PJA1: variants seen among roughly 807,000 people sequenced by gnomAD.
The protein encoded by PJA1 is praja ring finger ubiquitin ligase 1, also known as E3 ubiquitin-protein ligase Praja-1.
Under a neutral mutation model 14.1 loss-of-function variants are expected in PJA1, and 5 were observed. The ratio of observed to expected loss-of-function variants is 0.35; its 90% CI spans 0.18 to 0.74. PJA1 has a LOEUF of 0.74. Ranked by LOEUF, PJA1 falls within the 30% of genes least tolerant of loss-of-function variation. The pLI, the probability that PJA1 is intolerant of heterozygous loss-of-function variation, is 0.56. For synonymous variants in PJA1, 174 were observed against 190.9 expected (o/e 0.91, Z 0.73); for missense variants, 394 against 482.6 (o/e 0.82, Z 1.72).
At position 69,162,818 on chromosome X, in the gene PJA1, C is replaced by T. The variant is rs1482973882; in HGVS notation, c.256G>A (p.Gly86Arg). 3 of 1,211,435 alleles carry T rather than the reference C, an allele frequency of 2.5e-6. No individual in the cohort carries two copies. The South Asian group carries it at 5.3e-5, about 21-fold the overall frequency. The change falls in exon 2 of 2, where the codon GGG becomes AGG. Residue 86 changes from glycine (G) to arginine (R), a missense_variant. This residue lies in a region of PJA1 where 378 missense variants were observed against 439.3 expected (regional missense o/e 0.86). Coordinates refer to ENST00000374571, the MANE Select transcript of PJA1 (RefSeq NM_001032396.4). The stretch of plus-strand genomic sequence containing the variant: ...TCATCTTTAAACTTGCCAGTTTTCC[C>T]TCTCACTGGCGGTCGCTCAACAGGC... ...AGPVERPPVR[G>R]KTGKFKDDKL...
chrX:69,161,203 G>T lies in PJA1; in HGVS notation c.*104C>A. 1 of 1,045,239 alleles carries T rather than the reference G, an allele frequency of 9.6e-7. No homozygotes were observed. The highest frequency in any genetic ancestry group is 2.6e-5 in the South Asian group (1 of 37,769). 86.1% of individuals were successfully genotyped at this position (1,045,239 alleles called of 1,213,427 possible). A position where few individuals can be genotyped will look rare whatever the true frequency, so the allele number is the denominator to read the frequency against. On this transcript the variant is annotated 3_prime_UTR_variant, in exon 2 of 2. Coordinates refer to ENST00000374571, the MANE Select transcript of PJA1 (RefSeq NM_001032396.4). ...AGGAATCAATAGGTTTAGGCTAACTGACTGATTGGTTTTATTTCCATTGTT... is the reference window on the plus strand; with the variant it reads ...AGGAATCAATAGGTTTAGGCTAACTTACTGATTGGTTTTATTTCCATTGTT...
intron 1 of PJA1, 26 bp downstream of exon 1, chrX:69,165,346 G>C (rs987036580): frequency 1.9e-4 from 21 of 112,844 alleles, no homozygotes; most frequent in African/African-American, 6.8e-4. Flanking sequence ...CGGATGAATC[G>C]AGGAAACAAT....
chrX:69,164,253 G>C lies in PJA1; in HGVS notation c.-67-1113C>G, dbSNP rs374741827. Among the ~76,000 whole-genome samples the C allele has an allele frequency of 2.1e-4, 23 of 109,067 alleles. 1 individual carries two copies. In the East Asian group the frequency reaches 5.4e-3, roughly 26 times the overall value. 94.7% of individuals were successfully genotyped at this position (109,067 alleles called of 115,157 possible). On this transcript the variant is annotated intron_variant, in intron 1 of 1. Transcript: ENST00000374571. ...GATATGGCAAGCAGGGAGGCAGGTTGTGTCCCCGTAGAAGGATTTATGTGA... is the reference window on the plus strand; with the variant it reads ...GATATGGCAAGCAGGGAGGCAGGTTCTGTCCCCGTAGAAGGATTTATGTGA...
rs1925252317 is a variant in PJA1, at chrX:69,165,392, C to A, written c.-88G>T. ...CTCACCAAGTCCAGAAAGCCACACG[C>A]TTTTCAGAGAAGCAGAGCTCTCGGA... is the stretch of plus-strand genomic sequence containing the variant. On this transcript the variant is annotated 5_prime_UTR_variant, in exon 1 of 2. Coordinates refer to ENST00000374571, the MANE Select transcript of PJA1 (RefSeq NM_001032396.4). 8.9e-6 allele frequency: 1 copy of A among 112,919 alleles called. No homozygotes were observed. Among genetic ancestry groups the A allele is most frequent in the Non-Finnish European group, 1.9e-5 (1 of 53,353 alleles). 9.3% of individuals were successfully genotyped at this position (112,919 alleles called of 1,213,427 possible). A position where few individuals can be genotyped will look rare whatever the true frequency, so the allele number is the denominator to read the frequency against.
rs147196192 is a variant in PJA1, at chrX:69,163,090, G to A, written c.-17C>T. On this transcript the variant is annotated 5_prime_UTR_variant, in exon 2 of 2. It adds an upstream start codon to the 5' untranslated region. Transcript: ENST00000374571. ...TCTGTGCATTGGGACTTCGGAGTTCGTCTTTCTCTGGCTGGCAATCCTTTC... is the reference window on the plus strand; with the variant it reads ...TCTGTGCATTGGGACTTCGGAGTTCATCTTTCTCTGGCTGGCAATCCTTTC... 1.2e-5 allele frequency: 14 copies of A among 1,211,396 alleles called. No homozygotes were observed. Among genetic ancestry groups the A allele is most frequent in the South Asian group, 8.8e-5 (5 of 56,884 alleles).
Position 69,161,052 on chromosome X carries a change from C to A in PJA1, c.*255G>T, listed in dbSNP as rs538229700. 8.9e-6 allele frequency: 3 copies of A among 338,302 alleles called. No homozygotes were observed. The highest frequency in any genetic ancestry group is 8.4e-4 in the Middle Eastern group (1 of 1,194). The allele number at this position is 338,302 out of a possible 1,213,427, so 27.9% of individuals were successfully genotyped here. On this transcript the variant is annotated 3_prime_UTR_variant, in exon 2 of 2. Coordinates refer to ENST00000374571, the MANE Select transcript of PJA1 (RefSeq NM_001032396.4). ...GCGATTTAACTTTCAGGTTAGAAAA[C>A]GTATCTTCTTACTGCAATCTCAAGT...
chrX:69,164,146 G>A, intron 1 of PJA1, among the ~76,000 whole-genome samples: 1 of 109,941 alleles, frequency 9.1e-6, no homozygotes, highest in Non-Finnish European at 1.9e-5. Context: ...GCGGGGGTGG[G>A]GGGTGCGCAG....
intron 1 of PJA1, 107 bp from the exon 2 acceptor site, chrX:69,163,247 C>T: frequency 8.4e-7 from 1 of 1,194,850 alleles, no homozygotes; most frequent in Non-Finnish European, 1.1e-6. Flanking sequence ...ATCACTCTGA[C>T]TTAGGAGGGT....
Position 69,164,756 on chromosome X carries a change from AG to A in PJA1, c.-68+615del, listed in dbSNP as rs1426871271. On this transcript the variant is annotated intron_variant, in intron 1 of 1. Coordinates refer to ENST00000374571, the MANE Select transcript of PJA1 (RefSeq NM_001032396.4). Reference sequence around the variant, plus strand: ...TCGCGACACACGGGGGGTGGGGGGTAGGGGGGACGCAATGTCATAAAAAGAG... The same window carrying A: ...TCGCGACACACGGGGGGTGGGGGGTAGGGGGACGCAATGTCATAAAAAGAG... Among the ~76,000 whole-genome samples, 12 of 5,708 alleles carry A rather than the reference AG, an allele frequency of 2.1e-3. 1 individual carries two copies. The highest frequency in any genetic ancestry group is 7.4e-3 in the African/African-American group (11 of 1,487). 5.0% of individuals were successfully genotyped at this position (5,708 alleles called of 115,157 possible). A position where few individuals can be genotyped will look rare whatever the true frequency, so the allele number is the denominator to read the frequency against.
In PJA1 at chrX:69,163,058, G is replaced by A. The variant is rs1176992078; in HGVS notation, c.16C>T (p.Pro6Ser). 1 of 1,209,052 alleles carries A rather than the reference G, an allele frequency of 8.3e-7. No homozygotes were observed. The highest frequency in any genetic ancestry group is 1.1e-6 in the Non-Finnish European group (1 of 895,095). MHRSA[P>S]SQTTKRSRSP... ...CGGCTCCTCTTGGTGGTTTGACTGGGGGCTGATCTGTGCATTGGGACTTCG... is the reference window on the plus strand; with the variant it reads ...CGGCTCCTCTTGGTGGTTTGACTGGAGGCTGATCTGTGCATTGGGACTTCG... The change falls in exon 2 of 2, where the codon CCC (proline) becomes TCC (serine). Residue 6 changes from proline (P) to serine (S), a missense_variant. Pro to Ser is a moderately conservative substitution (Grantham distance 74). Coordinates refer to ENST00000374571, the MANE Select transcript of PJA1 (RefSeq NM_001032396.4).
Position 69,162,940 on chromosome X carries a change from G to A in PJA1, c.134C>T (p.Pro45Leu), listed in dbSNP as rs370780304. 1.6e-5 allele frequency: 19 copies of A among 1,208,932 alleles called. No individual in the cohort carries two copies. In the Admixed American group the frequency reaches 2.8e-4, roughly 18 times the overall value. The stretch of plus-strand genomic sequence containing the variant: ...ACCCGAAGCTCTGTACTCTCTTGGC[G>A]GATACCTGGAATAGTCCTCATTATC... ...NIDNEDYSRY[P>L]PREYRASGSR... The change falls in exon 2 of 2, where the codon CCG becomes CTG. Residue 45 changes from proline (P) to leucine (L), a missense_variant. Coordinates refer to ENST00000374571, the MANE Select transcript of PJA1 (RefSeq NM_001032396.4).
At position 69,162,817 on chromosome X, in the gene PJA1, C is replaced by T. The variant is rs1254329856; in HGVS notation, c.257G>A (p.Gly86Glu). ...ATCATCTTTAAACTTGCCAGTTTTC[C>T]CTCTCACTGGCGGTCGCTCAACAGG... is the stretch of plus-strand genomic sequence containing the variant. ...AGPVERPPVR[G>E]KTGKFKDDKL... The change falls in exon 2 of 2, where the codon GGG becomes GAG. Residue 86 changes from glycine (G) to glutamate (E), a missense_variant. Physicochemically the swap from Gly to Glu is moderately conservative, Grantham distance 98. Coordinates refer to ENST00000374571, the MANE Select transcript of PJA1 (RefSeq NM_001032396.4). 3 of 1,211,419 alleles carry T rather than the reference C, an allele frequency of 2.5e-6. No individual in the cohort carries two copies. Among genetic ancestry groups the T allele is most frequent in the Non-Finnish European group, 3.4e-6 (3 of 895,483 alleles).
chrX:69,161,693 C>G lies in PJA1; in HGVS notation c.1381G>C (p.Gly461Arg), dbSNP rs201947208. 2.0e-5 allele frequency: 24 copies of G among 1,209,631 alleles called. 1 individual carries two copies. In the African/African-American group the frequency reaches 3.3e-4, roughly 17 times the overall value. ...DLEVDWSLFD[G>R]FADGLGVAEA... ...GCCACTCCTAACCCATCTGCAAATC[C>G]ATCAAAGAGGCTCCAATCCACTTCT... The change falls in exon 2 of 2, where the codon GGA (glycine) becomes CGA (arginine). Residue 461 changes from glycine (G) to arginine (R), a missense_variant. By Grantham distance (125) the Gly-to-Arg change is moderately radical. This residue lies in a region of PJA1 where 378 missense variants were observed against 439.3 expected (regional missense o/e 0.86). Transcript: ENST00000374571.
rs1349150631 is a variant in PJA1, at chrX:69,163,102, C to A, written c.-29G>T. On this transcript the variant is annotated 5_prime_UTR_variant, in exon 2 of 2. Transcript: ENST00000374571. Reference sequence around the variant, plus strand: ...GACTTCGGAGTTCGTCTTTCTCTGGCTGGCAATCCTTTCCCGCTGGCTCGT... The same window carrying A: ...GACTTCGGAGTTCGTCTTTCTCTGGATGGCAATCCTTTCCCGCTGGCTCGT... 8.3e-7 allele frequency: 1 copy of A among 1,211,543 alleles called. No individual in the cohort carries two copies. Among genetic ancestry groups the A allele is most frequent in the Admixed American group, 2.2e-5 (1 of 46,008 alleles).
intron 1 of PJA1, among the ~76,000 whole-genome samples, chrX:69,163,848 C>A (rs1022854130): frequency 6.3e-5 from 7 of 110,327 alleles, no homozygotes; most frequent in African/African-American, 9.9e-5. Flanking sequence ...TAGAATGAGA[C>A]CCATTCTGGA....
At position 69,162,122 on chromosome X, in the gene PJA1, C is replaced by T; in HGVS notation, c.952G>A (p.Ala318Thr). The T allele has an allele frequency of 8.3e-7, 1 of 1,211,578 alleles. No individual in the cohort carries two copies. Among genetic ancestry groups the T allele is most frequent in the Non-Finnish European group, 1.1e-6 (1 of 895,502 alleles). Reference protein sequence around the residue: ...EDSDSDKEWIAALRRKYRSRE... With the variant: ...EDSDSDKEWITALRRKYRSRE... The stretch of plus-strand genomic sequence containing the variant: ...CTTCGATATTTCCGACGCAGAGCAG[C>T]AATCCACTCTTTGTCACTGTCAGAG... The change falls in exon 2 of 2, where the codon GCT becomes ACT. Residue 318 changes from alanine (A) to threonine (T), a missense_variant. Physicochemically the swap from Ala to Thr is moderately conservative, Grantham distance 58. Transcript: ENST00000374571.
At chrX:69,163,541 C>G in intron 1 of PJA1, 1 of 282,618 alleles carries the variant, frequency 3.5e-6, no homozygotes, top group African/African-American at 2.7e-5. Flanking sequence ...AGAGGAGAAT[C>G]TGACGGAAGG....
rs991199491 is a variant in PJA1 at position 69,162,179 on chromosome X, T to C, written c.895A>G (p.Ser299Gly). ...TMADPDFWTH[S>G]DDYYKYCDED... ...TCGCAGTATTTGTAGTAATCATCAC[T>C]GTGCGTCCAGAAGTCAGGGTCGGCC... The change falls in exon 2 of 2, where the codon AGT becomes GGT. Residue 299 changes from serine (S) to glycine (G), a missense_variant. Ser to Gly is a moderately conservative substitution (Grantham distance 56). Transcript: ENST00000374571. 5 of 1,211,557 alleles carry C rather than the reference T, an allele frequency of 4.1e-6. No individual in the cohort carries two copies. The highest frequency in any genetic ancestry group is 3.4e-6 in the Non-Finnish European group (3 of 895,492).
In PJA1 at chrX:69,161,845, T is replaced by C; in HGVS notation, c.1229A>G (p.Gln410Arg). 8.3e-7 allele frequency: 1 copy of C among 1,211,743 alleles called. No homozygotes were observed. The highest frequency in any genetic ancestry group is 3.0e-5 in the East Asian group (1 of 33,765). Residue 410 changes from glutamine to arginine, a missense_variant, in exon 2 of 2, where the codon CAG becomes CGG. Physicochemically the swap from Gln to Arg is conservative, Grantham distance 43. This residue lies in a region of PJA1 where 378 missense variants were observed against 439.3 expected (regional missense o/e 0.86). Transcript: ENST00000374571. ...ACTGCTACTGTCATTCTCATGGTAC[T>C]GGAGCCAAGGAATTTCTCCTTCTTC... is the stretch of plus-strand genomic sequence containing the variant. ...SLEEGEIPWL[Q>R]YHENDSSSEG...
Sources: allele counts gnomAD v4.1 joint callset (sites outside exome capture counted in the v4.1 genomes callset), GRCh38; gene constraint gnomAD v4.1.1; regional missense constraint gnomAD v4.1.1; transcripts MANE v1.5; gene names NCBI Gene and HGNC (gene_info 2026-07-23, HGNC 2026-07-21).